The following NCAPD3 variants were observed in gnomAD, a reference collection of about 807,000 sequenced individuals.
The protein encoded by NCAPD3 is non-SMC condensin II complex subunit D3.
In NCAPD3, 105 loss-of-function variants were observed where a neutral mutation model predicts 182.9. The ratio of observed to expected loss-of-function variants is 0.57; its 90% confidence interval spans 0.49 to 0.68. The LOEUF (loss-of-function observed/expected upper bound fraction) is 0.68. Among genes scored for constraint, NCAPD3 ranks in the 30% least tolerant of loss-of-function variants. NCAPD3 has a pLI of 0.00. For missense variants in NCAPD3, 1,944 were observed against 1,837.0 expected, an observed-to-expected ratio of 1.06 and a Z score of -1.07; for synonymous variants, 815 against 679.9, an observed-to-expected ratio of 1.20 and a Z score of -3.09.
intron 3 of NCAPD3, among the ~76,000 whole-genome samples, chr11:134,213,520 G>T (rs537683484): frequency 6.6e-6 from 1 of 151,722 alleles, no homozygotes; most frequent in African/African-American, 2.4e-5. Context: ...GTTTCACCAT[G>T]TTGGCCAGGC....
intron 17 of NCAPD3, 98 bp from the exon 18 acceptor site, chr11:134,185,098 G>T: frequency 9.4e-7 from 1 of 1,065,410 alleles, no homozygotes; most frequent in Non-Finnish European, 1.4e-6. Context: ...GAGGAAGCAG[G>T]GTAGGTAGCA....
intron 24 of NCAPD3, among the ~76,000 whole-genome samples, chr11:134,174,793 G>A (rs147745316): frequency 0.021 from 3,169 of 152,222 alleles, 50 homozygotes; most frequent in Middle Eastern, 0.065. Context: ...TAATTATCCC[G>A]ATTTGATCAT....
intron 29 of NCAPD3, 151 bp downstream of exon 29, chr11:134,159,741 C>T (rs568430457): frequency 3.1e-4 from 242 of 780,390 alleles, no homozygotes; most frequent in Admixed American, 6.4e-4. Flanking sequence ...CAGAAAGGCA[C>T]GAGGGAGTGG....
rs182627790 is a variant in NCAPD3, at chr11:134,220,359, C to T, written c.219+213G>A. Among the ~76,000 whole-genome samples the T allele has an allele frequency of 9.3e-5, 14 of 150,524 alleles. No individual in the cohort carries two copies. In the East Asian group the frequency reaches 2.7e-3, roughly 29 times the overall value. ...TTAATTTGCTATTGTAAAAAACAGTCGTGTCTTAAAAAAAAAAAATCAGAC... is the reference window on the plus strand; with the variant it reads ...TTAATTTGCTATTGTAAAAAACAGTTGTGTCTTAAAAAAAAAAAATCAGAC... On this transcript the variant is annotated intron_variant, in intron 2 of 34. Coordinates refer to ENST00000534548, the MANE Select transcript of NCAPD3 (RefSeq NM_015261.3).
At chr11:134,164,828 A>C (rs564982869) in intron 27 of NCAPD3, among the ~76,000 whole-genome samples, 1 of 148,102 alleles carries the variant, frequency 6.8e-6, no homozygotes, top group Admixed American at 6.7e-5. Flanking sequence ...AAATGACCTT[A>C]GGGGAGCTGA....
intron 17 of NCAPD3, 70 bp downstream of exon 17, chr11:134,185,265 T>A: frequency 1.5e-6 from 2 of 1,377,376 alleles, no homozygotes; most frequent in Non-Finnish European, 2.0e-6. Context: ...AAAAGCTCAC[T>A]TCCTTAAGTC....
chr11:134,174,616 C>CTGATTA (rs1454002974), intron 24 of NCAPD3, among the ~76,000 whole-genome samples: 1 of 151,866 alleles, frequency 6.6e-6, no homozygotes, highest in Non-Finnish European at 1.5e-5. Flanking sequence ...TACAGAAAGG[C>CTGATTA]TGATTAGCAC....
chr11:134,201,871 A>C (rs1944756384), intron 13 of NCAPD3, among the ~76,000 whole-genome samples: 1 of 152,244 alleles, frequency 6.6e-6, no homozygotes, highest in South Asian at 2.1e-4. Context: ...GGAGTAATAC[A>C]TGCTAATATC....
intron 27 of NCAPD3, among the ~76,000 whole-genome samples, chr11:134,164,840 C>T (rs1943714530): frequency 6.8e-6 from 1 of 147,504 alleles, no homozygotes; most frequent in Non-Finnish European, 1.5e-5. Flanking sequence ...GGGAGCTGAA[C>T]ACTCACGTGT....
At position 134,210,394 on chromosome 11, in the gene NCAPD3, T is replaced by A; in HGVS notation, c.443A>T (p.Lys148Met). The A allele has an allele frequency of 6.2e-7, 1 of 1,614,200 alleles. No individual in the cohort carries two copies. The highest frequency in any genetic ancestry group is 8.5e-7 in the Non-Finnish European group (1 of 1,180,006). ...GTTAGATTCCTGGGGCCAGCTCTTC[T>A]TTAGAGTCTGAATGCATTTGTCAAA... ...VMFDKCIQTL[K>M]KSWPQESNLN... The change falls in exon 4 of 35, where the codon AAG (lysine) becomes ATG (methionine). Residue 148 changes from lysine to methionine, a missense_variant. By Grantham distance (95) the Lys-to-Met change is moderately conservative (BLOSUM62 -1). Transcript: ENST00000534548.
At chr11:134,217,284 C>A (rs1938064533) in intron 2 of NCAPD3, among the ~76,000 whole-genome samples, 186 bp from the exon 3 acceptor site, 1 of 152,092 alleles carries the variant, frequency 6.6e-6, no homozygotes. Flanking sequence ...GTATATTATT[C>A]AAAATTACCA....
chr11:134,218,893 G>A (rs766488422), intron 2 of NCAPD3, among the ~76,000 whole-genome samples: 6 of 152,142 alleles, frequency 3.9e-5, no homozygotes, highest in Non-Finnish European at 7.4e-5. Context: ...TGTCAAGAAC[G>A]TCTGCTTAAA....
intron 13 of NCAPD3, among the ~76,000 whole-genome samples, chr11:134,201,981 T>C (rs1249020800): frequency 6.6e-6 from 1 of 152,210 alleles, no homozygotes; most frequent in African/African-American, 2.4e-5. Flanking sequence ...TCGGCACCTA[T>C]CTCAGTGTTC....
At position 134,150,623 on chromosome 11, in the gene NCAPD3, A is replaced by T. The variant is rs1008661367; in HGVS notation, c.*2321T>A. 1.3e-5 allele frequency: 2 copies of T among 151,396 alleles called. No homozygotes were observed. Among genetic ancestry groups the T allele is most frequent in the African/African-American group, 4.9e-5 (2 of 41,172 alleles). 9.4% of individuals were successfully genotyped at this position (151,396 alleles called of 1,614,324 possible). On this transcript the variant is annotated 3_prime_UTR_variant, in exon 35 of 35. Transcript: ENST00000534548. ...TTTTTGGTTATGGATGGCTCACAAA[A>T]TAGGGCCCCCAATGCTATTTTTTTT...
intron 3 of NCAPD3, among the ~76,000 whole-genome samples, chr11:134,214,750 T>A (rs1374676274): frequency 6.6e-6 from 1 of 152,118 alleles, no homozygotes; most frequent in East Asian, 1.9e-4. Context: ...TAAACTTCTT[T>A]CAAAAAACTC....
intron 3 of NCAPD3, among the ~76,000 whole-genome samples, chr11:134,210,786 G>T (rs1386723493): frequency 6.6e-6 from 1 of 152,212 alleles, no homozygotes; most frequent in African/African-American, 2.4e-5. Context: ...TGAAAAAAGG[G>T]AAACAGAGGT....
intron 13 of NCAPD3, among the ~76,000 whole-genome samples, chr11:134,200,156 C>T (rs1437383701): frequency 6.6e-6 from 1 of 152,130 alleles, no homozygotes; most frequent in Non-Finnish European, 1.5e-5. Flanking sequence ...TAGAAGAAAA[C>T]ACAGGAGTAA....
chr11:134,205,382 C>CT lies in NCAPD3; in HGVS notation c.1017-412dup, dbSNP rs571658772. Among the ~76,000 whole-genome samples the CT allele has an allele frequency of 6.1e-3, 880 of 143,230 alleles. 3 individuals are homozygous for CT. The highest frequency in any genetic ancestry group is 0.017 in the African/African-American group (656 of 39,286). 94.0% of individuals were successfully genotyped at this position (143,230 alleles called of 152,430 possible). On this transcript the variant is annotated intron_variant, in intron 8 of 34. Transcript: ENST00000534548. Reference sequence around the variant, plus strand: ...CAAACTTTAACCCAATAAGAAATTTCTTTTTTTTTTTTTTGTAGATGGAGT... The same window carrying CT: ...CAAACTTTAACCCAATAAGAAATTTCTTTTTTTTTTTTTTTGTAGATGGAGT...
intron 1 of NCAPD3, among the ~76,000 whole-genome samples, chr11:134,221,919 A>G (rs11223729): frequency 0.061 from 9,281 of 152,296 alleles, 362 homozygotes; most frequent in African/African-American, 0.1. Context: ...GCTGCCTGAA[A>G]GAAGATCTGA....
Sources: gnomAD v4.1 joint callset for allele counts (sites outside exome capture counted in the v4.1 genomes callset) on GRCh38, gnomAD v4.1.1 for gene constraint, MANE v1.5 for transcripts, NCBI Gene and HGNC (gene_info 2026-07-23, HGNC 2026-07-21) for gene names.